MBD5: variants seen among roughly 807,000 people sequenced by gnomAD.
MBD5 encodes methyl-CpG-binding domain protein 5.
A neutral mutation model predicts 117.3 loss-of-function variants in MBD5; 13 were observed. The observed-to-expected ratio is 0.11, with a 90% CI of 0.07 to 0.18. The LOEUF is 0.18. Ranked by LOEUF, MBD5 falls within the 10% of genes least tolerant of loss-of-function variation. The probability of loss-of-function intolerance (pLI) is 1.00; values close to 1 mark genes in which losing one functional copy is unlikely to be tolerated. For synonymous variants in MBD5, 727 were observed against 766.4 expected (o/e 0.95, Z 0.85); for missense variants, 1,879 against 2,093.8 (o/e 0.90, Z 2.00).
At chr2:148,044,662 ATT>A (rs1277057172) in intron 1 of MBD5, 1 of 152,140 alleles carries the variant, frequency 6.6e-6, no homozygotes, top group Non-Finnish European at 1.5e-5. Flanking sequence ...ATTACTATTC[ATT>A]TGTATAATAA....
intron 1 of MBD5, among the ~76,000 whole-genome samples, chr2:148,176,240 A>G (rs1698381855): frequency 1.3e-5 from 2 of 151,476 alleles, no homozygotes; most frequent in South Asian, 4.2e-4. Flanking sequence ...AGTAGTTTTT[A>G]AGGTCTCCAT....
At chr2:148,159,578 A>G (rs1384905387) in intron 1 of MBD5, among the ~76,000 whole-genome samples, 2 of 151,990 alleles carry the variant, frequency 1.3e-5, no homozygotes, top group African/African-American at 4.8e-5. Context: ...GAGTCACCAC[A>G]CCCTACCCTA....
chr2:148,500,792 T>C (rs895957862), intron 11 of MBD5, among the ~76,000 whole-genome samples: 4 of 152,202 alleles, frequency 2.6e-5, no homozygotes, highest in African/African-American at 9.6e-5. Context: ...ATAAGTGGAA[T>C]CATTTATTGA....
intron 3 of MBD5, among the ~76,000 whole-genome samples, chr2:148,255,519 T>C (rs1487727791): frequency 6.6e-6 from 1 of 152,178 alleles, no homozygotes; most frequent in Non-Finnish European, 1.5e-5. Context: ...GGAGGGTCCA[T>C]GGCCACAACC....
intron 1 of MBD5, among the ~76,000 whole-genome samples, chr2:148,161,903 A>G (rs1463427847): frequency 6.6e-6 from 1 of 152,222 alleles, no homozygotes; most frequent in Non-Finnish European, 1.5e-5. Flanking sequence ...GCCAACATTT[A>G]GGGCTAAATT....
intron 3 of MBD5, among the ~76,000 whole-genome samples, chr2:148,257,492 T>C (rs758077005): frequency 5.3e-5 from 8 of 152,228 alleles, no homozygotes; most frequent in Non-Finnish European, 1.0e-4. Flanking sequence ...GCCTTTGTCT[T>C]ACCCGACCAG....
chr2:148,145,660 G>C (rs1396993487), intron 1 of MBD5, among the ~76,000 whole-genome samples: 1 of 152,118 alleles, frequency 6.6e-6, no homozygotes, highest in Non-Finnish European at 1.5e-5. Flanking sequence ...TAGCATGAAG[G>C]GGTGTTGAAT....
chr2:148,301,020 C>A (rs1372490512), intron 3 of MBD5, among the ~76,000 whole-genome samples: 1 of 152,174 alleles, frequency 6.6e-6, no homozygotes, highest in African/African-American at 2.4e-5. Flanking sequence ...TGTTTCCTAT[C>A]CTTTGATAAA....
intron 3 of MBD5, among the ~76,000 whole-genome samples, chr2:148,297,677 T>C (rs568189935): frequency 7.0e-4 from 107 of 152,342 alleles, no homozygotes; most frequent in African/African-American, 2.2e-3. Context: ...TGATTCTCTC[T>C]GGCAAATACC....
At chr2:148,417,431 G>T (rs182579292) in intron 4 of MBD5, among the ~76,000 whole-genome samples, 83 of 151,740 alleles carry the variant, frequency 5.5e-4, no homozygotes, top group Non-Finnish European at 9.1e-4. Flanking sequence ...GAGCCACTGT[G>T]CCCAGCTGGT....
intron 4 of MBD5, among the ~76,000 whole-genome samples, chr2:148,356,611 ATTC>A (rs1703387234): frequency 1.3e-5 from 2 of 152,158 alleles, no homozygotes; most frequent in Non-Finnish European, 2.9e-5. Flanking sequence ...AGTGCCAAGT[ATTC>A]TTCTTTGGTT....
At chr2:148,325,094 A>T (rs927046569) in intron 3 of MBD5, among the ~76,000 whole-genome samples, 7 of 152,148 alleles carry the variant, frequency 4.6e-5, no homozygotes, top group Non-Finnish European at 7.3e-5. Flanking sequence ...TGAGATAATC[A>T]TGTGGTTTTT....
At chr2:148,417,162 A>ACCCAGGCT (rs1244566719) in intron 4 of MBD5, among the ~76,000 whole-genome samples, 2 of 152,048 alleles carry the variant, frequency 1.3e-5, no homozygotes, top group African/African-American at 4.8e-5. Context: ...TCACTCTGTC[A>ACCCAGGCT]CCCAGGCTGG....
At chr2:148,208,829 T>C (rs1558973235) in intron 2 of MBD5, among the ~76,000 whole-genome samples, 1 of 152,096 alleles carries the variant, frequency 6.6e-6, no homozygotes, top group Non-Finnish European at 1.5e-5. Context: ...AAAGCAAATA[T>C]TTCCATGAAT....
intron 4 of MBD5, among the ~76,000 whole-genome samples, chr2:148,386,526 G>A (rs200969066): frequency 2.0e-5 from 3 of 151,488 alleles, no homozygotes; most frequent in Admixed American, 6.6e-5. Flanking sequence ...AGACCATCCC[G>A]GCTAAAACGG....
intron 7 of MBD5, among the ~76,000 whole-genome samples, chr2:148,467,325 C>T (rs1016385312): frequency 7.2e-5 from 11 of 152,142 alleles, no homozygotes; most frequent in African/African-American, 2.7e-4. Flanking sequence ...TATGATGAAT[C>T]TGCTTGCTTT....
At chr2:148,137,577 T>C (rs1411964400) in intron 1 of MBD5, among the ~76,000 whole-genome samples, 3 of 152,122 alleles carry the variant, frequency 2.0e-5, no homozygotes, top group African/African-American at 7.2e-5. Context: ...CTGGATAACA[T>C]AGAGAGACAC....
At chr2:148,029,627 T>G (rs1370047830) in intron 1 of MBD5, among the ~76,000 whole-genome samples, 1 of 152,212 alleles carries the variant, frequency 6.6e-6, no homozygotes, top group African/African-American at 2.4e-5. Context: ...TTGAAACCAT[T>G]TCTTCAACAG....
At position 148,062,306 on chromosome 2, in the gene MBD5, T is replaced by C. The variant is rs557707891; in HGVS notation, c.-925+40622T>C. On this transcript the variant is annotated intron_variant, in intron 1 of 13. Coordinates refer to ENST00000642680, the MANE Select transcript of MBD5 (RefSeq NM_001378120.1). ...CCCTAGAATCTTAATTTGTAAAAAG[T>C]AAAAAACTACAAGGTTTCTACTTTC... The C allele has an allele frequency of 4.1e-4, 62 of 151,926 alleles. No homozygotes were observed. In the South Asian group the frequency reaches 7.5e-3, roughly 18 times the overall value. The allele number at this position is 151,926 out of a possible 1,614,324, so 9.4% of individuals were successfully genotyped here. A position where few individuals can be genotyped will look rare whatever the true frequency, so the allele number is the denominator to read the frequency against.
Sources: allele counts gnomAD v4.1 joint callset (sites outside exome capture counted in the v4.1 genomes callset), GRCh38; gene constraint gnomAD v4.1.1; transcripts MANE v1.5; gene names NCBI Gene and HGNC (gene_info 2026-07-23, HGNC 2026-07-21).